The following GALNT14 variants were observed in gnomAD, a reference collection of about 807,000 sequenced individuals.
The protein encoded by GALNT14 is polypeptide N-acetylgalactosaminyltransferase 14.
A neutral mutation model predicts 77.5 loss-of-function variants in GALNT14; 60 were observed. The ratio of observed to expected loss-of-function variants is 0.77; its 90% CI spans 0.63 to 0.96. GALNT14 has a LOEUF of 0.96. Among genes scored for constraint, GALNT14 ranks in the 40% least tolerant of loss-of-function variants. GALNT14 has a pLI of 0.00. For synonymous variants in GALNT14, 280 were observed against 281.7 expected, an observed-to-expected ratio of 0.99 and a Z score of 0.06; for missense variants, 710 against 731.0, an observed-to-expected ratio of 0.97 and a Z score of 0.33.
chr2:31,075,702 T>G (rs1675734316), intron 1 of GALNT14, among the ~76,000 whole-genome samples: 1 of 152,230 alleles, frequency 6.6e-6, no homozygotes, highest in Non-Finnish European at 1.5e-5. Context: ...GCTGCTGCTT[T>G]TCCTTTCACT....
At chr2:31,063,341 G>T (rs2148545818) in intron 1 of GALNT14, among the ~76,000 whole-genome samples, 1 of 152,228 alleles carries the variant, frequency 6.6e-6, no homozygotes, top group South Asian at 2.1e-4. Context: ...GCTTGTTTTT[G>T]TCAGGTTTGT....
In GALNT14 at chr2:31,085,495, T is replaced by C. The variant is rs182382238; in HGVS notation, c.129+52463A>G. On this transcript the variant is annotated intron_variant, in intron 1 of 14. Transcript: ENST00000349752. ...ACAGGGCCACAGGGCAGGAGGCACA[T>C]GGAGTAGGCAGGGAAGTCAGCTTCT... is the stretch of plus-strand genomic sequence containing the variant. Among the ~76,000 whole-genome samples, 5 of 152,348 alleles carry C rather than the reference T, an allele frequency of 3.3e-5. No homozygotes were observed. The East Asian group carries it at 9.7e-4, about 29-fold the overall frequency.
chr2:31,038,351 C>T (rs549379790), intron 1 of GALNT14, among the ~76,000 whole-genome samples: 1 of 151,856 alleles, frequency 6.6e-6, no homozygotes, highest in Non-Finnish European at 1.5e-5. Context: ...GCCTCAGCCT[C>T]CCAAACTGCT....
intron 9 of GALNT14, among the ~76,000 whole-genome samples, chr2:30,939,153 T>C (rs1365435260): frequency 6.6e-6 from 1 of 152,090 alleles, no homozygotes; most frequent in Admixed American, 6.5e-5. Context: ...AGCCCCAGGT[T>C]TGGTAGAAGG....
rs12622253 is a variant in GALNT14 at position 30,965,296 on chromosome 2, C to T, written c.398+908G>A. ...TCAGTTTCCTCAGCTGTGAAGTGGG[C>T]GTGGCAGTGGCCTCCTCACCTCTGC... On this transcript the variant is annotated intron_variant, in intron 3 of 14. Coordinates refer to ENST00000349752, the MANE Select transcript of GALNT14 (RefSeq NM_024572.4). Among the ~76,000 whole-genome samples the T allele has an allele frequency of 0.02, 2,988 of 152,190 alleles. 133 individuals are homozygous for T. The East Asian group carries it at 0.21, about 10-fold the overall frequency.
At position 31,108,560 on chromosome 2, in the gene GALNT14, A is replaced by T. The variant is rs546094565; in HGVS notation, c.129+29398T>A. On this transcript the variant is annotated intron_variant, in intron 1 of 14. Transcript: ENST00000349752. ...TTCAAGGAAGGCCCAGATCTTCAAG[A>T]GCAAAATGCAAGAAAGGTAACACTG... 2.0e-5 allele frequency among the ~76,000 whole-genome samples: 3 copies of T among 152,340 alleles called. No homozygotes were observed. In the South Asian group the frequency reaches 6.2e-4, roughly 32 times the overall value.
downstream of GALNT14, among the ~76,000 whole-genome samples, chr2:30,906,499 G>T (rs1254308318): frequency 1.3e-5 from 2 of 149,796 alleles, no homozygotes; most frequent in Non-Finnish European, 3.0e-5. Flanking sequence ...AATTCAACAA[G>T]AAGAGCTAAC....
At chr2:31,048,135 T>C (rs1239718215) in intron 1 of GALNT14, among the ~76,000 whole-genome samples, 1 of 152,238 alleles carries the variant, frequency 6.6e-6, no homozygotes, top group Non-Finnish European at 1.5e-5. Context: ...CCGAAGGCCA[T>C]GAAACCATTT....
intron 1 of GALNT14, among the ~76,000 whole-genome samples, chr2:31,043,632 T>C (rs2886301): frequency 0.74 from 112,485 of 151,828 alleles, 41,933 homozygotes; most frequent in East Asian, 0.99. Flanking sequence ...GGATCCTCCA[T>C]ATTACAAGGA....
chr2:31,056,690 T>A (rs564862362), intron 1 of GALNT14, among the ~76,000 whole-genome samples: 2 of 152,222 alleles, frequency 1.3e-5, no homozygotes, highest in Non-Finnish European at 1.5e-5. Flanking sequence ...ACACAAATTA[T>A]ATTGAAATCG....
chr2:31,031,427 A>G (rs548161273), intron 1 of GALNT14, among the ~76,000 whole-genome samples: 31 of 152,334 alleles, frequency 2.0e-4, no homozygotes, highest in Admixed American at 8.5e-4. Flanking sequence ...ACCTCATAGA[A>G]CTAGTCATAA....
chr2:31,002,795 T>A (rs1327319768), intron 1 of GALNT14, among the ~76,000 whole-genome samples: 1 of 152,182 alleles, frequency 6.6e-6, no homozygotes, highest in East Asian at 1.9e-4. Context: ...CCCCACAGCG[T>A]GCAGAACAAG....
At chr2:30,960,650 G>A (rs769826525) in intron 3 of GALNT14, among the ~76,000 whole-genome samples, 2 of 152,108 alleles carry the variant, frequency 1.3e-5, no homozygotes, top group African/African-American at 2.4e-5. Context: ...CGTGCTCTGG[G>A]TGGTCAGAGG....
At chr2:31,011,416 C>T (rs1671023651) in intron 1 of GALNT14, among the ~76,000 whole-genome samples, 1 of 152,176 alleles carries the variant, frequency 6.6e-6, no homozygotes, top group Admixed American at 6.5e-5. Context: ...CATTTCTGCT[C>T]ACTGGGTCTC....
intron 1 of GALNT14, among the ~76,000 whole-genome samples, chr2:31,059,756 C>A (rs928244706): frequency 2.0e-5 from 3 of 152,272 alleles, no homozygotes; most frequent in Admixed American, 6.5e-5. Flanking sequence ...GGCCCCTCAC[C>A]CCTTCTGCCA....
chr2:31,005,326 C>T (rs2148429037), intron 1 of GALNT14, among the ~76,000 whole-genome samples: 1 of 152,244 alleles, frequency 6.6e-6, no homozygotes, highest in East Asian at 1.9e-4. Context: ...CCAGGGATGA[C>T]TCCTCTAATT....
intron 1 of GALNT14, among the ~76,000 whole-genome samples, chr2:31,035,596 CAT>C (rs199774161): frequency 0.015 from 1,328 of 86,330 alleles, 43 homozygotes; most frequent in African/African-American, 0.066. Flanking sequence ...TATACATATA[CAT>C]ATACACACAC....
intron 3 of GALNT14, among the ~76,000 whole-genome samples, chr2:30,963,724 C>T (rs1463325686): frequency 6.6e-6 from 1 of 152,182 alleles, no homozygotes; most frequent in Non-Finnish European, 1.5e-5. Flanking sequence ...CAGGGTCACA[C>T]AGCTAGGAAG....
chr2:30,947,358 T>C (rs924376013), intron 6 of GALNT14, among the ~76,000 whole-genome samples: 2 of 152,210 alleles, frequency 1.3e-5, no homozygotes, highest in African/African-American at 4.8e-5. Flanking sequence ...CCTCATTACT[T>C]GCTACGTCCC....
Sources: gnomAD v4.1 joint callset for allele counts (sites outside exome capture counted in the v4.1 genomes callset) on GRCh38, gnomAD v4.1.1 for gene constraint, MANE v1.5 for transcripts, NCBI Gene and HGNC (gene_info 2026-07-23, HGNC 2026-07-21) for gene names.